DNER: variants seen among roughly 807,000 people sequenced by gnomAD.
The protein encoded by DNER is delta/notch like EGF repeat containing, also known as delta and Notch-like epidermal growth factor-related receptor.
In DNER, 33 loss-of-function variants were observed where a neutral mutation model predicts 78.2. That is an observed-to-expected ratio of 0.42 (90% CI 0.32 to 0.56). The LOEUF is 0.56. DNER is among the 20% of genes least tolerant of loss of function. The pLI is 0.11. For missense variants in DNER, 918 were observed against 975.3 expected, an observed-to-expected ratio of 0.94 and a Z score of 0.78; for synonymous variants, 417 against 384.8, an observed-to-expected ratio of 1.08 and a Z score of -0.98.
Position 229,363,998 on chromosome 2 carries a change from TTTTTTTTTTTTTTTTC to T in DNER, c.2102+2859_2102+2874del, listed in dbSNP as rs1338730652. Among the ~76,000 whole-genome samples the T allele has an allele frequency of 5.3e-4, 70 of 131,288 alleles. No homozygotes were observed. The Middle Eastern group carries it at 0.026, about 48-fold the overall frequency. The allele number at this position is 131,288 out of a possible 152,430, so 86.1% of individuals were successfully genotyped here. A position where few individuals can be genotyped will look rare whatever the true frequency, so the allele number is the denominator to read the frequency against. ...GTCAATTCTCTGCTTTTTTTTTTTT[TTTTTTTTTTTTTTTTC>T]TGAGACAGAGTCTCCCTCTGTCGCC... On this transcript the variant is annotated intron_variant, in intron 12 of 12. Coordinates refer to ENST00000341772, the MANE Select transcript of DNER (RefSeq NM_139072.4).
At chr2:229,673,458 A>G (rs1220891592) in intron 1 of DNER, among the ~76,000 whole-genome samples, 6 of 152,244 alleles carry the variant, frequency 3.9e-5, no homozygotes, top group Non-Finnish European at 8.8e-5. Context: ...GGTTTCTGTC[A>G]TATGGCATAT....
rs376601753 is a variant in DNER at position 229,397,959 on chromosome 2, A to C, written c.1723+9273T>G. Among the ~76,000 whole-genome samples the C allele has an allele frequency of 2.0e-4, 31 of 152,248 alleles. No individual in the cohort carries two copies. In the East Asian group the frequency reaches 5.4e-3, roughly 27 times the overall value. ...TCAATACTCTAAGATCTTACCCAAA[A>C]AACCTAGAAAGAAATAACAAAAGCA... On this transcript the variant is annotated intron_variant, in intron 10 of 12. Transcript: ENST00000341772.
chr2:229,383,511 G>C (rs1189431249), intron 11 of DNER, among the ~76,000 whole-genome samples: 1 of 152,098 alleles, frequency 6.6e-6, no homozygotes, highest in African/African-American at 2.4e-5. Flanking sequence ...GTATTCAGGA[G>C]ACCCACCTCA....
chr2:229,629,750 C>G (rs1698403281), intron 1 of DNER, among the ~76,000 whole-genome samples: 1 of 152,196 alleles, frequency 6.6e-6, no homozygotes, highest in Non-Finnish European at 1.5e-5. Flanking sequence ...GGACAGCACC[C>G]AGAAATGCAG....
intron 12 of DNER, among the ~76,000 whole-genome samples, chr2:229,366,260 T>C (rs1692344905): frequency 6.6e-6 from 1 of 152,216 alleles, no homozygotes; most frequent in African/African-American, 2.4e-5. Flanking sequence ...TATCCCTTTA[T>C]ACAGTTGAGG....
At chr2:229,543,579 T>C (rs1371620702) in intron 5 of DNER, among the ~76,000 whole-genome samples, 1 of 152,198 alleles carries the variant, frequency 6.6e-6, no homozygotes, top group African/African-American at 2.4e-5. Flanking sequence ...TTTTCAGAGC[T>C]AATCAGACCT....
Position 229,390,349 on chromosome 2 carries a change from C to T in DNER, c.1724-1953G>A, listed in dbSNP as rs1233800759. On this transcript the variant is annotated intron_variant, in intron 10 of 12. Coordinates refer to ENST00000341772, the MANE Select transcript of DNER (RefSeq NM_139072.4). ...TGTCAATGACATATGCTTTTCATTT[C>T]CTAAACTCTATGCAGTCCCAGGGCT... Among the ~76,000 whole-genome samples, 3 of 152,232 alleles carry T rather than the reference C, an allele frequency of 2.0e-5. No individual in the cohort carries two copies. The East Asian group carries it at 5.8e-4, about 29-fold the overall frequency.
At chr2:229,647,321 G>A (rs1298815711) in intron 1 of DNER, among the ~76,000 whole-genome samples, 1 of 152,178 alleles carries the variant, frequency 6.6e-6, no homozygotes, top group African/African-American at 2.4e-5. Context: ...GGGACAGCAA[G>A]GGCAAATTAT....
At chr2:229,504,322 C>T (rs375570150) in intron 6 of DNER, among the ~76,000 whole-genome samples, 19 of 152,224 alleles carry the variant, frequency 1.2e-4, no homozygotes, top group African/African-American at 4.6e-4. Context: ...CGGGTTCAAG[C>T]GATTCTCCTG....
At chr2:229,491,177 C>T (rs986614657) in intron 6 of DNER, among the ~76,000 whole-genome samples, 41 of 152,232 alleles carry the variant, frequency 2.7e-4, no homozygotes, top group African/African-American at 9.4e-4. Flanking sequence ...TCTTCAAACA[C>T]GCTGGGCATA....
chr2:229,648,725 A>G (rs752245018), intron 1 of DNER, among the ~76,000 whole-genome samples: 25 of 152,226 alleles, frequency 1.6e-4, no homozygotes, highest in Non-Finnish European at 3.2e-4. Flanking sequence ...AAAGCAAGTT[A>G]TTACAGATAT....
chr2:229,607,210 C>T lies in DNER; in HGVS notation c.277-15322G>A, dbSNP rs1255126479. On this transcript the variant is annotated intron_variant, in intron 1 of 12. Transcript: ENST00000341772. ...ACTTTTTTTTAATTCCTCACAACTTCTTTAATTAACTGACCTGATTAAACT... is the reference window on the plus strand; with the variant it reads ...ACTTTTTTTTAATTCCTCACAACTTTTTTAATTAACTGACCTGATTAAACT... Among the ~76,000 whole-genome samples, 4 of 152,244 alleles carry T rather than the reference C, an allele frequency of 2.6e-5. No homozygotes were observed. The East Asian group carries it at 7.7e-4, about 29-fold the overall frequency.
intron 11 of DNER, among the ~76,000 whole-genome samples, chr2:229,376,902 T>C (rs1420487422): frequency 6.6e-6 from 1 of 152,236 alleles, no homozygotes. Context: ...CCTATTTGTA[T>C]AATAAGAACT....
intron 6 of DNER, among the ~76,000 whole-genome samples, chr2:229,508,717 T>A (rs752396746): frequency 1.4e-4 from 21 of 151,650 alleles, no homozygotes; most frequent in Non-Finnish European, 2.4e-4. Flanking sequence ...CCGTCTCTAC[T>A]AAAAATACAA....
chr2:229,626,848 C>T (rs955455899), intron 1 of DNER, among the ~76,000 whole-genome samples: 60 of 152,172 alleles, frequency 3.9e-4, no homozygotes, highest in African/African-American at 1.4e-3. Flanking sequence ...AGAGAGCATG[C>T]AGAAATGCCT....
At chr2:229,497,693 C>A (rs1268942919) in intron 6 of DNER, among the ~76,000 whole-genome samples, 3 of 150,350 alleles carry the variant, frequency 2.0e-5, no homozygotes, top group Admixed American at 2.0e-4. Context: ...AGTAATACAC[C>A]AACAAATTGG....
At position 229,677,918 on chromosome 2, in the gene DNER, T is replaced by A. The variant is rs1300690214; in HGVS notation, c.276+36230A>T. ...ATAGGCTGGAGGACTTACTCTCATG[T>A]TCTGTCTAAAGCTTTATTTAACTGA... On this transcript the variant is annotated intron_variant, in intron 1 of 12. Coordinates refer to ENST00000341772, the MANE Select transcript of DNER (RefSeq NM_139072.4). 2.6e-5 allele frequency among the ~76,000 whole-genome samples: 4 copies of A among 152,186 alleles called. No homozygotes were observed. The East Asian group carries it at 7.7e-4, about 29-fold the overall frequency.
At chr2:229,427,127 T>G (rs1188000946) in intron 8 of DNER, among the ~76,000 whole-genome samples, 1 of 152,204 alleles carries the variant, frequency 6.6e-6, no homozygotes, top group Non-Finnish European at 1.5e-5. Context: ...TAAATTAAAG[T>G]TTTTGACTGT....
At chr2:229,515,642 T>TA (rs796362015) in intron 5 of DNER, among the ~76,000 whole-genome samples, 3 of 105,084 alleles carry the variant, frequency 2.9e-5, no homozygotes, top group South Asian at 3.8e-4. Flanking sequence ...TAGCTTTATT[T>TA]TTTTATTTTT....
Sources: gnomAD v4.1 joint callset for allele counts (sites outside exome capture counted in the v4.1 genomes callset) on GRCh38, gnomAD v4.1.1 for gene constraint, MANE v1.5 for transcripts, NCBI Gene and HGNC (gene_info 2026-07-23, HGNC 2026-07-21) for gene names.